SLC25A17: variants seen among roughly 807,000 people sequenced by gnomAD.
The protein encoded by SLC25A17 is peroxisomal membrane protein PMP34.
A neutral mutation model predicts 38.5 loss-of-function variants in SLC25A17; 26 were observed. The ratio of observed to expected loss-of-function variants is 0.68; its 90% CI spans 0.50 to 0.94. The LOEUF is 0.94. Ranked by LOEUF, SLC25A17 falls within the 40% of genes least tolerant of loss-of-function variation. SLC25A17 has a pLI of 0.00. For synonymous variants in SLC25A17, 139 were observed against 136.2 expected (o/e 1.02, Z -0.14); for missense variants, 333 against 372.7 (o/e 0.89, Z 0.88).
intron 1 of SLC25A17, among the ~76,000 whole-genome samples, chr22:40,810,731 C>A (rs2057573075): frequency 6.6e-6 from 1 of 152,112 alleles, no homozygotes; most frequent in Non-Finnish European, 1.5e-5. Flanking sequence ...CAAAATATAG[C>A]AGTTTTTGCC....
At chr22:40,806,689 T>A (rs1173145612) in intron 1 of SLC25A17, among the ~76,000 whole-genome samples, 1 of 152,180 alleles carries the variant, frequency 6.6e-6, no homozygotes, top group Non-Finnish European at 1.5e-5. Context: ...AATATTTTCA[T>A]CATCCCAAAG....
At chr22:40,777,706 C>T (rs1196719731) in intron 5 of SLC25A17, among the ~76,000 whole-genome samples, 3 of 149,952 alleles carry the variant, frequency 2.0e-5, no homozygotes, top group Non-Finnish European at 3.0e-5. Context: ...TGCTTGAACC[C>T]GGGAGGCAGA....
intron 1 of SLC25A17, among the ~76,000 whole-genome samples, chr22:40,818,027 C>T (rs1279702944): frequency 6.6e-6 from 1 of 152,154 alleles, no homozygotes; most frequent in Non-Finnish European, 1.5e-5. Context: ...GTATCACTTC[C>T]CCCACTTTAC....
At chr22:40,816,176 C>T (rs894605092) in intron 1 of SLC25A17, among the ~76,000 whole-genome samples, 1 of 131,930 alleles carries the variant, frequency 7.6e-6, no homozygotes, top group African/African-American at 3.0e-5. Context: ...CCAGCCTGGG[C>T]AACAAGAGCG....
intron 5 of SLC25A17, 50 bp from the exon 6 acceptor site, chr22:40,777,423 C>T: frequency 1.9e-6 from 3 of 1,564,478 alleles, no homozygotes; most frequent in Non-Finnish European, 2.6e-6. Flanking sequence ...AATCCCCCAA[C>T]TAGAGAAGAC....
At position 40,780,998 on chromosome 22, in the gene SLC25A17, C is replaced by T. The variant is rs112866428; in HGVS notation, c.335-1873G>A. ...CAGCCTGGGCAAAAGAGGGAGACTC[C>T]ATCTCTAAAAAAAATATTAAAAATT... On this transcript the variant is annotated intron_variant, in intron 4 of 8. Coordinates refer to ENST00000435456, the MANE Select transcript of SLC25A17 (RefSeq NM_006358.4). 9.6e-4 allele frequency among the ~76,000 whole-genome samples: 146 copies of T among 151,752 alleles called. 2 individuals are homozygous for T. In the East Asian group the frequency reaches 0.019, roughly 20 times the overall value.
chr22:40,794,965 C>T (rs1246226443), intron 2 of SLC25A17, among the ~76,000 whole-genome samples: 1 of 152,140 alleles, frequency 6.6e-6, no homozygotes, highest in Non-Finnish European at 1.5e-5. Context: ...GTTACCCAGG[C>T]TGGTCTCAAA....
Position 40,811,950 on chromosome 22 carries a change from A to C in SLC25A17, c.54+7245T>G, listed in dbSNP as rs2057585435. Reference sequence around the variant, plus strand: ...CAGTCACATAAACGATTTTTAGCCTAAGTTCTTGGGGATTTGGGGGTTCCT... The same window carrying C: ...CAGTCACATAAACGATTTTTAGCCTCAGTTCTTGGGGATTTGGGGGTTCCT... On this transcript the variant is annotated intron_variant, in intron 1 of 8. Coordinates refer to ENST00000435456, the MANE Select transcript of SLC25A17 (RefSeq NM_006358.4). 2.7e-5 allele frequency among the ~76,000 whole-genome samples: 4 copies of C among 150,580 alleles called. No homozygotes were observed. In the Admixed American group the frequency reaches 2.7e-4, roughly 10 times the overall value.
At chr22:40,808,514 C>G (rs912461387) in intron 1 of SLC25A17, among the ~76,000 whole-genome samples, 37 of 152,166 alleles carry the variant, frequency 2.4e-4, no homozygotes, top group African/African-American at 8.9e-4. Flanking sequence ...TTTTCTTTTC[C>G]ACTTATAAAA....
Position 40,770,245 on chromosome 22 carries a change from A to C in SLC25A17, c.*589T>G, listed in dbSNP as rs972702809. 6.6e-6 allele frequency: 1 copy of C among 152,216 alleles called. No homozygotes were observed. Among genetic ancestry groups the C allele is most frequent in the Non-Finnish European group, 1.5e-5 (1 of 68,046 alleles). The allele number at this position is 152,216 out of a possible 1,614,324, so 9.4% of individuals were successfully genotyped here. A position where few individuals can be genotyped will look rare whatever the true frequency, so the allele number is the denominator to read the frequency against. On this transcript the variant is annotated 3_prime_UTR_variant, in exon 9 of 9. Coordinates refer to ENST00000435456, the MANE Select transcript of SLC25A17 (RefSeq NM_006358.4). The stretch of plus-strand genomic sequence containing the variant: ...GACATTTACAAATAGTTTATAAGAG[A>C]ATCATTTGGGTGAACAATTTTCATT...
chr22:40,787,669 T>C (rs2057350484), intron 4 of SLC25A17, among the ~76,000 whole-genome samples: 1 of 152,108 alleles, frequency 6.6e-6, no homozygotes, highest in Admixed American at 6.5e-5. Flanking sequence ...AGTTTCAGAA[T>C]AGCAGTTCTT....
Position 40,792,584 on chromosome 22 carries a change from A to C in SLC25A17, c.275T>G (p.Leu92Arg). 6.2e-7 allele frequency: 1 copy of C among 1,614,092 alleles called. No homozygotes were observed. The highest frequency in any genetic ancestry group is 1.6e-4 in the Middle Eastern group (1 of 6,062). ...YFYTFNSLKA[L>R]WVKGQHSTTG... ...GGTAGAATGTTGACCTTTGACCCAG[A>C]GTGCTTTGAGGCTATTAAAAGTGTA... Residue 92 changes from leucine to arginine, a missense_variant, in exon 4 of 9, where the codon CTC becomes CGC. Coordinates refer to ENST00000435456, the MANE Select transcript of SLC25A17 (RefSeq NM_006358.4).
chr22:40,773,493 A>C (rs1227757139), intron 8 of SLC25A17, among the ~76,000 whole-genome samples: 2 of 152,000 alleles, frequency 1.3e-5, no homozygotes, highest in African/African-American at 4.8e-5. Flanking sequence ...CAAACCACTG[A>C]AAATGTTAGC....
At chr22:40,788,953 G>GAT in intron 4 of SLC25A17, 1 of 319,036 alleles carries the variant, frequency 3.1e-6, no homozygotes, top group South Asian at 3.8e-5. Context: ...GCCAACAACG[G>GAT]CCACACTCAG....
intron 1 of SLC25A17, among the ~76,000 whole-genome samples, chr22:40,809,598 C>T (rs2057560550): frequency 6.6e-6 from 1 of 151,970 alleles, no homozygotes; most frequent in African/African-American, 2.4e-5. Context: ...TGCCACTGCA[C>T]TCCAGCCTGG....
rs2057214665 is a variant in SLC25A17 at position 40,773,996 on chromosome 22, TG to T, written c.716del (p.Pro239GlnfsTer20). The stretch of plus-strand genomic sequence containing the variant: ...GAAGACTTCCCAATGTTCTGTTTTC[TG>T]GGTTTAGTCTATGACGCCCAAACTG... ...ILRFGRHRLN[P>X]ENRTLGSLRN... On this transcript the variant is annotated frameshift_variant, in exon 8 of 9. Transcript: ENST00000435456. LOFTEE classifies it high-confidence loss of function. The T allele has an allele frequency of 6.2e-7, 1 of 1,612,898 alleles. No individual in the cohort carries two copies. Among genetic ancestry groups the T allele is most frequent in the African/African-American group, 1.3e-5 (1 of 74,904 alleles).
At chr22:40,778,557 T>C (rs2057266648) in intron 5 of SLC25A17, among the ~76,000 whole-genome samples, 1 of 152,222 alleles carries the variant, frequency 6.6e-6, no homozygotes, top group African/African-American at 2.4e-5. Flanking sequence ...AGGTTGTCTG[T>C]TATGCAGCTT....
intron 4 of SLC25A17, among the ~76,000 whole-genome samples, chr22:40,781,435 C>T (rs905903037): frequency 1.5e-4 from 23 of 152,110 alleles, no homozygotes; most frequent in African/African-American, 4.1e-4. Context: ...TTAGTAGAGA[C>T]GGGGTTTCAC....
intron 4 of SLC25A17, among the ~76,000 whole-genome samples, chr22:40,781,081 A>G (rs1192292764): frequency 2.0e-5 from 3 of 152,096 alleles, no homozygotes; most frequent in Non-Finnish European, 4.4e-5. Context: ...TGAAGTGGGA[A>G]GATCGCTTCA....
Sources: gnomAD v4.1 joint callset for allele counts (sites outside exome capture counted in the v4.1 genomes callset) on GRCh38, gnomAD v4.1.1 for gene constraint, MANE v1.5 for transcripts, NCBI Gene and HGNC (gene_info 2026-07-23, HGNC 2026-07-21) for gene names.